CYP11A1: variants seen among roughly 807,000 people sequenced by gnomAD.
CYP11A1 encodes the protein cholesterol side-chain cleavage enzyme, mitochondrial.
CYP11A1 carries 25 observed loss-of-function variants against 51.9 expected under a neutral mutation model. That is an observed-to-expected ratio of 0.48 (90% CI 0.35 to 0.67). The LOEUF is 0.67. Ranked by LOEUF, CYP11A1 falls within the 30% of genes least tolerant of loss-of-function variation. The pLI, the probability that CYP11A1 is intolerant of heterozygous loss-of-function variation, is 0.00. For synonymous variants in CYP11A1, 245 were observed against 262.1 expected, an observed-to-expected ratio of 0.93 and a Z score of 0.63; for missense variants, 578 against 680.9, an observed-to-expected ratio of 0.85 and a Z score of 1.68.
In CYP11A1 at chr15:74,366,253, T is replaced by G. The variant is rs533223069; in HGVS notation, c.269+1064A>C. 415 of 975,164 alleles carry G rather than the reference T, an allele frequency of 4.3e-4. 2 individuals carry two copies. In the African/African-American group the frequency reaches 6.4e-3, roughly 15 times the overall value. 60.4% of individuals were successfully genotyped at this position (975,164 alleles called of 1,614,324 possible). On this transcript the variant is annotated intron_variant, in intron 1 of 8. Transcript: ENST00000268053. ...GCTGCGACCTTTTCACTCTGTGCTC[T>G]GACCTTCAAATCTCCCTCCCCCGAT...
chr15:74,365,281 A>G (rs2141247829), intron 1 of CYP11A1, among the ~76,000 whole-genome samples: 1 of 149,704 alleles, frequency 6.7e-6, no homozygotes, highest in African/African-American at 2.5e-5. Flanking sequence ...GGAAAAAGCC[A>G]CAAGCCCTGG....
intron 1 of CYP11A1, among the ~76,000 whole-genome samples, chr15:74,359,283 G>A (rs1205666474): frequency 1.3e-5 from 2 of 152,078 alleles, no homozygotes; most frequent in Non-Finnish European, 2.9e-5. Flanking sequence ...GCAGCCCTGA[G>A]AAACATTGCC....
chr15:74,338,234 T>A, intron 8 of CYP11A1, 131 bp from the exon 9 acceptor site: 1 of 1,069,036 alleles, frequency 9.4e-7, no homozygotes, highest in Admixed American at 1.8e-5. Context: ...CACCAGCTCC[T>A]GGTGTAACCC....
intron 6 of CYP11A1, 105 bp downstream of exon 6, chr15:74,339,482 T>C (rs2060595989): frequency 6.6e-7 from 1 of 1,509,462 alleles, no homozygotes; most frequent in Admixed American, 1.8e-5. Flanking sequence ...ACTTCCTGCT[T>C]CCAACCTCCT....
chr15:74,342,404 C>T (rs1167730486), intron 5 of CYP11A1, among the ~76,000 whole-genome samples: 3 of 152,102 alleles, frequency 2.0e-5, no homozygotes, highest in Non-Finnish European at 4.4e-5. Flanking sequence ...TCTTAATATC[C>T]AAAGAAAGAA....
At chr15:74,364,620 A>T (rs557969060) in intron 1 of CYP11A1, 1 of 152,088 alleles carries the variant, frequency 6.6e-6, no homozygotes, top group East Asian at 1.9e-4. Flanking sequence ...TTCCTTCCTT[A>T]CTTTGTCTGT....
At chr15:74,361,322 G>C (rs2060707908) in intron 1 of CYP11A1, 1 of 220,824 alleles carries the variant, frequency 4.5e-6, no homozygotes, top group South Asian at 7.0e-5. Flanking sequence ...CTAAGTATAT[G>C]TTACCAATCA....
intron 2 of CYP11A1, among the ~76,000 whole-genome samples, chr15:74,347,576 A>C (rs537256531): frequency 1.3e-5 from 2 of 152,284 alleles, no homozygotes; most frequent in Non-Finnish European, 2.9e-5. Flanking sequence ...AGTTCCTGGC[A>C]CAAGTCCTGA....
intron 1 of CYP11A1, among the ~76,000 whole-genome samples, chr15:74,356,093 T>C (rs923436841): frequency 4.6e-5 from 7 of 152,254 alleles, no homozygotes; most frequent in Non-Finnish European, 7.3e-5. Context: ...ATTACTTGCC[T>C]CTGCTGTGAG....
At chr15:74,344,332 G>A (rs1293465031) in intron 3 of CYP11A1, among the ~76,000 whole-genome samples, 2 of 152,132 alleles carry the variant, frequency 1.3e-5, no homozygotes, top group African/African-American at 2.4e-5. Flanking sequence ...TCTGTAATTG[G>A]CTGAATTGGC....
intron 8 of CYP11A1, 102 bp from the exon 9 acceptor site, chr15:74,338,205 G>A: frequency 7.5e-7 from 1 of 1,327,724 alleles, no homozygotes; most frequent in Non-Finnish European, 1.1e-6. Context: ...TGTGATTTGA[G>A]GAGTTCCAAG....
At chr15:74,339,492 TCCA>T in intron 6 of CYP11A1, 92 bp downstream of exon 6, 1 of 1,536,006 alleles carries the variant, frequency 6.5e-7, no homozygotes, top group Non-Finnish European at 8.9e-7. Context: ...TCCAACCTCC[TCCA>T]CCAGCCCATC....
intron 1 of CYP11A1, among the ~76,000 whole-genome samples, chr15:74,351,929 GATT>G (rs539242170): frequency 2.6e-5 from 4 of 152,154 alleles, no homozygotes; most frequent in African/African-American, 4.8e-5. Context: ...GCCTTCATTG[GATT>G]ATCTGTTGGG....
chr15:74,361,584 A>T, intron 1 of CYP11A1: 1 of 953,586 alleles, frequency 1.0e-6, no homozygotes, highest in South Asian at 1.3e-5. Flanking sequence ...TTGACATCGC[A>T]GTCACGGCGA....
At chr15:74,358,455 T>A (rs1187844973) in intron 1 of CYP11A1, among the ~76,000 whole-genome samples, 1 of 152,202 alleles carries the variant, frequency 6.6e-6, no homozygotes, top group Admixed American at 6.5e-5. Flanking sequence ...AGCCCACCTC[T>A]TAGAACCTCT....
In CYP11A1 at chr15:74,345,016, A is replaced by C; in HGVS notation, c.625+28T>G. 1 of 1,606,600 alleles carries C rather than the reference A, an allele frequency of 6.2e-7. No homozygotes were observed. On this transcript the variant is annotated intron_variant, in intron 3 of 8. Transcript: ENST00000268053. This position sits in a 1 kb window ranked among gnomAD's most constrained non-coding sequence, Gnocchi z 4.3. ...ACTGAGTCCTCCCACCCCCATGCCC[A>C]CTGCCAGCCAGGTGCAAGCCCCCTT...
At chr15:74,367,023 G>C (rs906195353) in intron 1 of CYP11A1, 17 of 453,770 alleles carry the variant, frequency 3.7e-5, no homozygotes, top group Non-Finnish European at 6.9e-5. Flanking sequence ...GCCAGACCTG[G>C]GGTTTGGACC....
intron 1 of CYP11A1, chr15:74,359,547 CA>C (rs1389475236): frequency 6.6e-6 from 1 of 152,186 alleles, no homozygotes; most frequent in African/African-American, 2.4e-5. Context: ...TCTCCTGGCT[CA>C]TCCTGGCTCA....
intron 1 of CYP11A1, among the ~76,000 whole-genome samples, chr15:74,353,621 C>A (rs1260891703): frequency 6.6e-6 from 1 of 152,076 alleles, no homozygotes; most frequent in African/African-American, 2.4e-5. Flanking sequence ...ATAAAATATT[C>A]ATTATGTGGG....
Sources: allele counts gnomAD v4.1 joint callset (sites outside exome capture counted in the v4.1 genomes callset), GRCh38; gene constraint gnomAD v4.1.1; non-coding constraint Gnocchi (gnomAD v3.1); transcripts MANE v1.5; gene names NCBI Gene and HGNC (gene_info 2026-07-23, HGNC 2026-07-21).